Variants in EGF observed in about 807,000 individuals in gnomAD.
EGF encodes pro-epidermal growth factor.
Under a neutral mutation model 143.8 loss-of-function variants are expected in EGF, and 95 were observed. That is an observed-to-expected ratio of 0.66 (90% CI 0.56 to 0.78). The LOEUF (loss-of-function observed/expected upper bound fraction) is 0.78, where lower values mean the gene tolerates loss of function less well. EGF is among the 30% of genes least tolerant of loss of function. The pLI is 0.00. For missense variants in EGF, 1,320 were observed against 1,470.9 expected (o/e 0.90, Z 1.68); for synonymous variants, 510 against 510.5 (o/e 1.00, Z 0.01).
chr4:109,957,087 AG>A (rs1744906804), intron 5 of EGF, among the ~76,000 whole-genome samples: 1 of 152,142 alleles, frequency 6.6e-6, no homozygotes, highest in Non-Finnish European at 1.5e-5. Flanking sequence ...GACATTTTCA[AG>A]GGGGCAAGAA....
chr4:109,979,955 A>G lies in EGF; in HGVS notation c.2054-17A>G. On this transcript the variant is annotated splice_polypyrimidine_tract_variant and intron_variant, in intron 13 of 23. Transcript: ENST00000265171. ...AAGACAAAGAAGGTGTATTTAACAA[A>G]CTTGAATTGTTTCCAGGTCACCCAT... 1 of 1,613,754 alleles carries G rather than the reference A, an allele frequency of 6.2e-7. No individual in the cohort carries two copies. The highest frequency in any genetic ancestry group is 8.5e-7 in the Non-Finnish European group (1 of 1,179,786).
chr4:109,945,029 A>T (rs1281979683), intron 4 of EGF, 44 bp from the exon 5 acceptor site: 1 of 1,594,288 alleles, frequency 6.3e-7, no homozygotes, highest in South Asian at 1.1e-5. Context: ...AAGACAAGGA[A>T]CAAATGTTCT....
At chr4:109,928,634 C>T (rs1178013823) in intron 1 of EGF, among the ~76,000 whole-genome samples, 1 of 152,010 alleles carries the variant, frequency 6.6e-6, no homozygotes, top group African/African-American at 2.4e-5. Context: ...TTTGCAGGAC[C>T]ATTTCAAAAC....
intron 16 of EGF, among the ~76,000 whole-genome samples, chr4:109,985,237 A>G (rs1195492487): frequency 6.6e-6 from 1 of 152,166 alleles, no homozygotes; most frequent in African/African-American, 2.4e-5. Context: ...TCATCTTTCC[A>G]TACCTGGATT....
At chr4:109,977,822 G>A (rs370346871) in intron 13 of EGF, among the ~76,000 whole-genome samples, 85 of 152,162 alleles carry the variant, frequency 5.6e-4, no homozygotes, top group Admixed American at 4.3e-3. Flanking sequence ...CCTGGGTGAC[G>A]GAGTGAAACC....
intron 1 of EGF, among the ~76,000 whole-genome samples, chr4:109,922,110 T>C (rs1737904747): frequency 1.3e-5 from 2 of 151,582 alleles, no homozygotes; most frequent in South Asian, 4.1e-4. Flanking sequence ...TGCAAGGAAA[T>C]TGCAAAGGTT....
rs1039157622 is a variant in EGF at position 109,994,632 on chromosome 4, A to T, written c.2858-101A>T. 6 of 1,370,592 alleles carry T rather than the reference A, an allele frequency of 4.4e-6. No homozygotes were observed. The African/African-American group carries it at 5.7e-5, about 13-fold the overall frequency. The allele number at this position is 1,370,592 out of a possible 1,614,324, so 84.9% of individuals were successfully genotyped here. On this transcript the variant is annotated intron_variant, in intron 19 of 23. Coordinates refer to ENST00000265171, the MANE Select transcript of EGF (RefSeq NM_001963.6). ...CTAGTAGTTCTTCTGTCACTAAAAG[A>T]TTTATGTCACAAACTATTCACAGAA...
At chr4:109,923,058 A>G (rs1334569285) in intron 1 of EGF, among the ~76,000 whole-genome samples, 5 of 151,610 alleles carry the variant, frequency 3.3e-5, no homozygotes, top group Non-Finnish European at 2.9e-5. Context: ...ATTTTTAAAA[A>G]TTATCCTTTT....
rs566581743 is a variant in EGF, at chr4:109,941,080, A to G, written c.262A>G (p.Ile88Val). The G allele has an allele frequency of 3.1e-5, 50 of 1,614,070 alleles. 2 individuals are homozygous for G. In the South Asian group the frequency reaches 5.5e-4, roughly 18 times the overall value. The change falls in exon 2 of 24, where the codon ATC becomes GTC. Residue 88 changes from isoleucine to valine, a missense_variant. Ile to Val is a conservative substitution (Grantham distance 29, BLOSUM62 3). This residue lies in a region of EGF where 41 missense variants were observed against 38.1 expected (regional missense o/e 1.07). Coordinates refer to ENST00000265171, the MANE Select transcript of EGF (RefSeq NM_001963.6). Reference sequence around the variant, plus strand: ...GGATTTTCATTATAATGAGAAAAGAATCTATTGGGTGGATTTAGAAAGACA... The same window carrying G: ...GGATTTTCATTATAATGAGAAAAGAGTCTATTGGGTGGATTTAGAAAGACA... ...IMDFHYNEKR[I>V]YWVDLERQLL...
intron 13 of EGF, among the ~76,000 whole-genome samples, chr4:109,978,267 A>G (rs566413577): frequency 6.6e-6 from 1 of 152,380 alleles, no homozygotes; most frequent in African/African-American, 2.4e-5. Flanking sequence ...TGTATGCAAT[A>G]AAAACATATA....
chr4:109,993,720 C>T (rs1751370536), intron 19 of EGF, among the ~76,000 whole-genome samples: 2 of 152,126 alleles, frequency 1.3e-5, no homozygotes, highest in Admixed American at 1.3e-4. Flanking sequence ...TGTCTGGACT[C>T]AGCATTTTAA....
rs565817595 is a variant in EGF, at chr4:110,006,300, G to A, written c.3291+1678G>A. 3.9e-5 allele frequency among the ~76,000 whole-genome samples: 6 copies of A among 152,242 alleles called. No individual in the cohort carries two copies. The South Asian group carries it at 1.2e-3, about 32-fold the overall frequency. On this transcript the variant is annotated intron_variant, in intron 22 of 23. Coordinates refer to ENST00000265171, the MANE Select transcript of EGF (RefSeq NM_001963.6). ...TTCAAGGTTGCAGTGAGCTATGATAGCACCACTGCACTCCAGCCTGAGTGA... is the reference window on the plus strand; with the variant it reads ...TTCAAGGTTGCAGTGAGCTATGATAACACCACTGCACTCCAGCCTGAGTGA...
intron 22 of EGF, 29 bp downstream of exon 22, chr4:110,004,651 G>T (rs1181397780): frequency 1.3e-6 from 2 of 1,597,732 alleles, no homozygotes; most frequent in Non-Finnish European, 1.7e-6. Flanking sequence ...ATGAAGCAAG[G>T]AATTGGCTTG....
intron 3 of EGF, 83 bp downstream of exon 3, chr4:109,943,518 G>T: frequency 6.7e-7 from 1 of 1,483,002 alleles, no homozygotes. Flanking sequence ...TAAATTCAAA[G>T]GGATCCTCTC....
Position 110,008,497 on chromosome 4 carries a change from G to A in EGF, c.3370+267G>A, listed in dbSNP as rs11569126. 0.048 allele frequency among the ~76,000 whole-genome samples: 7,341 copies of A among 152,218 alleles called. 314 individuals carry two copies. Among genetic ancestry groups the A allele is most frequent in the East Asian group, 0.17 (872 of 5,160 alleles). On this transcript the variant is annotated intron_variant, in intron 23 of 23. Transcript: ENST00000265171. ...CACTTTGAGCAAGAACACAATGGAT[G>A]ACTCCTTGATTTGAATTGAGTTTTG...
Position 109,916,784 on chromosome 4 carries a change from G to A in EGF, c.127+3322G>A, listed in dbSNP as rs549813187. On this transcript the variant is annotated intron_variant, in intron 1 of 23. Transcript: ENST00000265171. ...TAAAAATTATTTTTATGAATGTAAT[G>A]GTATTTTCTAAATGTGGCTTGGTTT... Among the ~76,000 whole-genome samples the A allele has an allele frequency of 3.9e-5, 6 of 152,050 alleles. No individual in the cohort carries two copies. The East Asian group carries it at 1.2e-3, about 29-fold the overall frequency.
chr4:109,968,192 T>C (rs1315754487), intron 10 of EGF, among the ~76,000 whole-genome samples: 1 of 152,222 alleles, frequency 6.6e-6, no homozygotes, highest in Non-Finnish European at 1.5e-5. Context: ...CAGTTCATCA[T>C]CAACCGAAAT....
chr4:109,958,054 G>T (rs1425976309), intron 5 of EGF, among the ~76,000 whole-genome samples: 1 of 152,134 alleles, frequency 6.6e-6, no homozygotes, highest in African/African-American at 2.4e-5. Flanking sequence ...ATCCGTGGGG[G>T]ATTGGTATCC....
In EGF at chr4:110,013,064, C is replaced by T. The variant is rs1385640506; in HGVS notation, c.*1609C>T. ...ATTAGTTAATTATTCAGTATGATACCTCACCCAGCTAATTTAGATTTTTCT... is the reference window on the plus strand; with the variant it reads ...ATTAGTTAATTATTCAGTATGATACTTCACCCAGCTAATTTAGATTTTTCT... On this transcript the variant is annotated 3_prime_UTR_variant, in exon 24 of 24. Transcript: ENST00000265171. Among the ~76,000 whole-genome samples, 1 of 152,082 alleles carries T rather than the reference C, an allele frequency of 6.6e-6. No individual in the cohort carries two copies. Among genetic ancestry groups the T allele is most frequent in the Non-Finnish European group, 1.5e-5 (1 of 68,004 alleles).
Sources: allele counts gnomAD v4.1 joint callset (sites outside exome capture counted in the v4.1 genomes callset), GRCh38; gene constraint gnomAD v4.1.1; regional missense constraint gnomAD v4.1.1; transcripts MANE v1.5; gene names NCBI Gene and HGNC (gene_info 2026-07-23, HGNC 2026-07-21).